PDLIM5: variants seen among roughly 807,000 people sequenced by gnomAD.
PDLIM5 encodes the protein PDZ and LIM domain 5, also known as PDZ and LIM domain protein 5.
PDLIM5 carries 34 observed loss-of-function variants against 64.2 expected under a neutral mutation model. That is an observed-to-expected ratio of 0.53 (90% CI 0.40 to 0.71). The LOEUF (loss-of-function observed/expected upper bound fraction) is 0.71, where lower values mean the gene tolerates loss of function less well. Ranked by LOEUF, PDLIM5 falls within the 30% of genes least tolerant of loss-of-function variation. PDLIM5 has a pLI of 0.00. For missense variants in PDLIM5, 683 were observed against 733.6 expected (o/e 0.93, Z 0.80); for synonymous variants, 253 against 269.1 (o/e 0.94, Z 0.59).
At chr4:94,548,909 G>T (rs556245694) in intron 3 of PDLIM5, among the ~76,000 whole-genome samples, 3 of 151,598 alleles carry the variant, frequency 2.0e-5, no homozygotes, top group Admixed American at 2.0e-4. Context: ...CAAGTGTTTT[G>T]CCTAACCCTG....
At chr4:94,663,489 A>G (rs1355698846) in intron 12 of PDLIM5, among the ~76,000 whole-genome samples, 1 of 152,154 alleles carries the variant, frequency 6.6e-6, no homozygotes, top group African/African-American at 2.4e-5. Context: ...CAAACAAAAG[A>G]GGTCTCAGCT....
At chr4:94,649,564 G>A (rs568641175) in intron 9 of PDLIM5, among the ~76,000 whole-genome samples, 2 of 152,256 alleles carry the variant, frequency 1.3e-5, no homozygotes, top group Admixed American at 1.3e-4. Flanking sequence ...CCCTATGTTA[G>A]CATATAAGTT....
intron 3 of PDLIM5, among the ~76,000 whole-genome samples, chr4:94,571,991 A>G (rs977028396): frequency 1.3e-5 from 2 of 152,212 alleles, no homozygotes; most frequent in Non-Finnish European, 2.9e-5. Context: ...GCCAATTCTC[A>G]GTGCTTGCCA....
chr4:94,627,923 T>C (rs773747062), intron 8 of PDLIM5, among the ~76,000 whole-genome samples: 3 of 152,216 alleles, frequency 2.0e-5, no homozygotes, highest in Non-Finnish European at 4.4e-5. Context: ...GCAGATATCT[T>C]ATCCTTAAAT....
chr4:94,617,674 A>C (rs920092357), intron 7 of PDLIM5, among the ~76,000 whole-genome samples: 2 of 151,578 alleles, frequency 1.3e-5, no homozygotes, highest in Non-Finnish European at 2.9e-5. Context: ...AAGTAGAAGA[A>C]GAAAAAGAGT....
chr4:94,515,715 T>C (rs1039160834), intron 2 of PDLIM5, among the ~76,000 whole-genome samples: 10 of 152,238 alleles, frequency 6.6e-5, no homozygotes, highest in Admixed American at 5.2e-4. Context: ...AAGATTTGTC[T>C]CATCATTGAG....
At chr4:94,525,817 G>A (rs1460155895) in intron 3 of PDLIM5, among the ~76,000 whole-genome samples, 2 of 152,126 alleles carry the variant, frequency 1.3e-5, no homozygotes, top group Non-Finnish European at 2.9e-5. Flanking sequence ...AATTTTGATA[G>A]GCTATTAGCT....
intron 3 of PDLIM5, among the ~76,000 whole-genome samples, chr4:94,530,681 A>G (rs1730794830): frequency 6.6e-6 from 1 of 152,050 alleles, no homozygotes; most frequent in Non-Finnish European, 1.5e-5. Flanking sequence ...ACCTAGAAGA[A>G]TTGAGTTTTG....
intron 7 of PDLIM5, among the ~76,000 whole-genome samples, chr4:94,615,868 C>CAT (rs1738745953): frequency 6.6e-6 from 1 of 152,142 alleles, no homozygotes; most frequent in Admixed American, 6.6e-5. Context: ...AATGTAGTTA[C>CAT]ATAGAGTGAA....
At chr4:94,619,947 T>C (rs1739092201) in intron 8 of PDLIM5, among the ~76,000 whole-genome samples, 1 of 152,184 alleles carries the variant, frequency 6.6e-6, no homozygotes. Context: ...TTTCTCAAAC[T>C]CTGATTTGCT....
In PDLIM5 at chr4:94,456,556, T is replaced by G. The variant is rs987766908; in HGVS notation, c.96+1172T>G. ...AATTTACCCTGAGATCATTCTCTATTAATATATAAGGAGGTATGTGTGTTT... is the reference window on the plus strand; with the variant it reads ...AATTTACCCTGAGATCATTCTCTATGAATATATAAGGAGGTATGTGTGTTT... On this transcript the variant is annotated intron_variant, in intron 2 of 12. Transcript: ENST00000317968. The G allele has an allele frequency of 4.2e-6, 3 of 720,228 alleles. No individual in the cohort carries two copies. In the African/African-American group the frequency reaches 5.2e-5, roughly 13 times the overall value. 44.6% of individuals were successfully genotyped at this position (720,228 alleles called of 1,614,324 possible).
In PDLIM5 at chr4:94,541,014, G is replaced by C. The variant is rs62315855; in HGVS notation, c.248+17139G>C. ...CGATACAAACTTCTGGGAGAACCAT[G>C]TACCATCTGCGTGTATACTTCATCT... On this transcript the variant is annotated intron_variant, in intron 3 of 12. Coordinates refer to ENST00000317968, the MANE Select transcript of PDLIM5 (RefSeq NM_006457.5). Among the ~76,000 whole-genome samples, 45 of 152,308 alleles carry C rather than the reference G, an allele frequency of 3.0e-4. 1 individual carries two copies. Among genetic ancestry groups the C allele is most frequent in the Admixed American group, 1.4e-3 (21 of 15,290 alleles).
At chr4:94,580,444 A>T (rs1474233078) in intron 5 of PDLIM5, among the ~76,000 whole-genome samples, 2 of 152,158 alleles carry the variant, frequency 1.3e-5, no homozygotes, top group East Asian at 3.8e-4. Context: ...ATTGCATACC[A>T]GTGTAAACAT....
chr4:94,664,028 G>C lies in PDLIM5; in HGVS notation c.1752G>C (p.Lys584Asn), dbSNP rs749563113. The C allele has an allele frequency of 6.2e-7, 1 of 1,608,568 alleles. No individual in the cohort carries two copies. Among genetic ancestry groups the C allele is most frequent in the Non-Finnish European group, 8.5e-7 (1 of 1,176,376 alleles). Reference protein sequence around the residue: ...EGQTFFSKKDKPLCKKHAHSV... With the variant: ...EGQTFFSKKDNPLCKKHAHSV... ...AGACCTTTTTCTCCAAGAAGGACAA[G>C]CCCCTGTGTAAGAAACATGCTCATT... The change falls in exon 13 of 13, where the codon AAG (lysine) becomes AAC (asparagine). Residue 584 changes from lysine to asparagine, a missense_variant. Physicochemically the swap from Lys to Asn is moderately conservative, Grantham distance 94. Coordinates refer to ENST00000317968, the MANE Select transcript of PDLIM5 (RefSeq NM_006457.5).
chr4:94,472,343 A>G (rs1032231272), intron 2 of PDLIM5, among the ~76,000 whole-genome samples: 2 of 152,092 alleles, frequency 1.3e-5, no homozygotes, highest in Non-Finnish European at 2.9e-5. Flanking sequence ...CACCAGTAGT[A>G]CCTCCAATTA....
intron 2 of PDLIM5, among the ~76,000 whole-genome samples, chr4:94,461,939 A>G (rs1723922160): frequency 6.6e-6 from 1 of 152,222 alleles, no homozygotes; most frequent in Non-Finnish European, 1.5e-5. Flanking sequence ...ATCTCGGCTC[A>G]CTGCAACCTC....
intron 8 of PDLIM5, among the ~76,000 whole-genome samples, chr4:94,638,860 A>G (rs1205623602): frequency 6.6e-6 from 1 of 152,152 alleles, no homozygotes; most frequent in East Asian, 1.9e-4. Context: ...AGACACTGTT[A>G]AGTTGCTAGG....
At chr4:94,532,725 C>T (rs927178020) in intron 3 of PDLIM5, among the ~76,000 whole-genome samples, 1 of 152,162 alleles carries the variant, frequency 6.6e-6, no homozygotes, top group Non-Finnish European at 1.5e-5. Context: ...GGGCCAGGCA[C>T]TGTGGCTCAA....
At chr4:94,501,750 C>T (rs1727941178) in intron 2 of PDLIM5, among the ~76,000 whole-genome samples, 1 of 152,118 alleles carries the variant, frequency 6.6e-6, no homozygotes, top group South Asian at 2.1e-4. Flanking sequence ...TCTTCTTATT[C>T]CTCCCTCACT....
Sources: gnomAD v4.1 joint callset for allele counts (sites outside exome capture counted in the v4.1 genomes callset) on GRCh38, gnomAD v4.1.1 for gene constraint, MANE v1.5 for transcripts, NCBI Gene and HGNC (gene_info 2026-07-23, HGNC 2026-07-21) for gene names.